LANCL3: variants seen among roughly 807,000 people sequenced by gnomAD.
LANCL3 encodes LanC like family member 3.
A neutral mutation model predicts 26.5 loss-of-function variants in LANCL3; 19 were observed. The observed-to-expected ratio is 0.72, with a 90% CI of 0.50 to 1.05. The LOEUF is 1.05. Ranked by LOEUF, LANCL3 falls within the 50% of genes least tolerant of loss-of-function variation. The pLI, the probability that LANCL3 is intolerant of heterozygous loss-of-function variation, is 0.00. For missense variants in LANCL3, 318 were observed against 362.7 expected (o/e 0.88, Z 1.00); for synonymous variants, 160 against 166.6 (o/e 0.96, Z 0.30).
chrX:37,617,203 C>T (rs1224553694), intron 1 of LANCL3, among the ~76,000 whole-genome samples: 1 of 110,661 alleles, frequency 9.0e-6, no homozygotes, highest in Non-Finnish European at 1.9e-5. Context: ...CTGGAGGGGC[C>T]GTTGGAGGAT....
intron 1 of LANCL3, among the ~76,000 whole-genome samples, chrX:37,582,703 A>T (rs782119729): frequency 1.8e-5 from 2 of 111,842 alleles, no homozygotes; most frequent in Admixed American, 1.9e-4. Flanking sequence ...GTTCTTGTAG[A>T]TTCTGGATAT....
chrX:37,662,249 A>T (rs1489410979), intron 3 of LANCL3, among the ~76,000 whole-genome samples: 1 of 112,380 alleles, frequency 8.9e-6, no homozygotes, highest in Non-Finnish European at 1.9e-5. Flanking sequence ...TAACCTTGAC[A>T]ATTCTGAAAT....
intron 1 of LANCL3, among the ~76,000 whole-genome samples, chrX:37,627,373 A>G (rs1925345899): frequency 9.0e-6 from 1 of 111,541 alleles, no homozygotes; most frequent in Non-Finnish European, 1.9e-5. Context: ...TGTAGAATAG[A>G]GGAGAATCTC....
chrX:37,638,284 G>A (rs1194937891), intron 1 of LANCL3, among the ~76,000 whole-genome samples: 4 of 111,419 alleles, frequency 3.6e-5, no homozygotes, highest in Non-Finnish European at 7.5e-5. Flanking sequence ...CAGATAGGGG[G>A]ACAGGCAAGG....
At chrX:37,620,981 G>A (rs782090284) in intron 1 of LANCL3, among the ~76,000 whole-genome samples, 1 of 111,311 alleles carries the variant, frequency 9.0e-6, no homozygotes, top group South Asian at 3.8e-4. Context: ...CTGAAGAGCT[G>A]GAGAAGTGGG....
At chrX:37,673,917 T>G (rs1926738612) in intron 4 of LANCL3, among the ~76,000 whole-genome samples, 1 of 111,967 alleles carries the variant, frequency 8.9e-6, no homozygotes, top group Non-Finnish European at 1.9e-5. Flanking sequence ...TCTTCTTTTA[T>G]TATATGTTTA....
intron 1 of LANCL3, among the ~76,000 whole-genome samples, chrX:37,574,896 T>C (rs1556416226): frequency 9.4e-6 from 1 of 106,913 alleles, no homozygotes; most frequent in Non-Finnish European, 1.9e-5. Context: ...TAGGTGTGTG[T>C]GTGTGTGTGT....
chrX:37,667,597 C>A, intron 4 of LANCL3, 108 bp downstream of exon 4: 1 of 582,497 alleles, frequency 1.7e-6, no homozygotes, highest in Non-Finnish European at 2.5e-6. Context: ...ATAAATACAT[C>A]AACTGTGCCT....
At position 37,630,081 on chromosome X, in the gene LANCL3, A is replaced by G. The variant is rs1199110234; in HGVS notation, c.574-25607A>G. On this transcript the variant is annotated intron_variant, in intron 1 of 4. Coordinates refer to ENST00000378619, the MANE Select transcript of LANCL3 (RefSeq NM_001170331.2). ...ACGATATTGATTCTTCCTGCCCATG[A>G]GCATGGAATATTCTTCCATTTCTTT... Among the ~76,000 whole-genome samples, 4 of 111,870 alleles carry G rather than the reference A, an allele frequency of 3.6e-5. No homozygotes were observed. The East Asian group carries it at 1.1e-3, about 31-fold the overall frequency.
intron 1 of LANCL3, among the ~76,000 whole-genome samples, chrX:37,572,842 T>C (rs1187034062): frequency 8.9e-6 from 1 of 111,939 alleles, no homozygotes; most frequent in African/African-American, 3.3e-5. Context: ...TAGAAAGTAA[T>C]GGAACTTTTC....
In LANCL3 at chrX:37,656,862, A is replaced by G. The variant is rs181560903; in HGVS notation, c.697+1051A>G. ...ACAACTTCAATGAGTTTTCTCAAAGAAATTTTATGTCTGTTTAAGTTTCCC... is the reference window on the plus strand; with the variant it reads ...ACAACTTCAATGAGTTTTCTCAAAGGAATTTTATGTCTGTTTAAGTTTCCC... On this transcript the variant is annotated intron_variant, in intron 2 of 4. Coordinates refer to ENST00000378619, the MANE Select transcript of LANCL3 (RefSeq NM_001170331.2). Among the ~76,000 whole-genome samples the G allele has an allele frequency of 4.1e-3, 461 of 113,100 alleles. 1 individual carries two copies. Among genetic ancestry groups the G allele is most frequent in the African/African-American group, 0.013 (415 of 31,169 alleles).
chrX:37,675,675 C>T lies in LANCL3; in HGVS notation c.1125C>T (p.Thr375=), dbSNP rs184811583. The change falls in exon 5 of 5, where the codon ACC becomes ACT. Residue 375 remains threonine, a synonymous_variant. Coordinates refer to ENST00000378619, the MANE Select transcript of LANCL3 (RefSeq NM_001170331.2). ...TTAGGTTTGCTCAATTCTTATTTACCGAGGAATTCAAGGCCGGTTCTCGGG... is the reference window on the plus strand; with the variant it reads ...TTAGGTTTGCTCAATTCTTATTTACTGAGGAATTCAAGGCCGGTTCTCGGG... The part of the protein sequence containing the change: ...RAQRFAQFLF[T]EEFKAGSRVL... 2.4e-5 allele frequency: 27 copies of T among 1,137,218 alleles called. No homozygotes were observed. The East Asian group carries it at 5.0e-4, about 21-fold the overall frequency. The allele number at this position is 1,137,218 out of a possible 1,213,427, so 93.7% of individuals were successfully genotyped here.
At chrX:37,605,166 C>T (rs1389355067) in intron 1 of LANCL3, among the ~76,000 whole-genome samples, 1 of 111,949 alleles carries the variant, frequency 8.9e-6, no homozygotes, top group Admixed American at 9.4e-5. Context: ...TATCCTTACG[C>T]CTCCGAAGGG....
intron 2 of LANCL3, 53 bp from the exon 3 acceptor site, chrX:37,659,409 A>C (rs1926361287): frequency 1.1e-6 from 1 of 943,701 alleles, no homozygotes; most frequent in Non-Finnish European, 1.5e-6. Flanking sequence ...TCACTAAATC[A>C]AACTAGCTGT....
chrX:37,614,019 GT>G (rs1468031675), intron 1 of LANCL3, among the ~76,000 whole-genome samples: 1 of 112,206 alleles, frequency 8.9e-6, no homozygotes, highest in East Asian at 2.8e-4. Flanking sequence ...AAAACCCCTA[GT>G]TGGACTAGTG....
At chrX:37,617,385 A>G (rs1243639346) in intron 1 of LANCL3, among the ~76,000 whole-genome samples, 1 of 110,882 alleles carries the variant, frequency 9.0e-6, no homozygotes, top group Non-Finnish European at 1.9e-5. Context: ...GTCTCCTTAG[A>G]CCTCTTGCTT....
chrX:37,631,663 G>A (rs1340864851), intron 1 of LANCL3, among the ~76,000 whole-genome samples: 4 of 111,120 alleles, frequency 3.6e-5, no homozygotes, highest in Non-Finnish European at 5.7e-5. Flanking sequence ...CTTTGTTCTC[G>A]TTGGTTTCAA....
chrX:37,656,330 C>G (rs1556430853), intron 2 of LANCL3, among the ~76,000 whole-genome samples: 1 of 110,912 alleles, frequency 9.0e-6, no homozygotes, highest in Non-Finnish European at 1.9e-5. Context: ...ATTTGCAAGG[C>G]CCTTTATGGA....
chrX:37,572,353 C>G lies in LANCL3; in HGVS notation c.483C>G (p.Ser161=). ...RALCAVCAPV[S]FLECGSDELF... ...TGTGTGCCGTCTGCGCGCCGGTCTC[C>G]TTCCTGGAGTGCGGCTCCGACGAGC... The change falls in exon 1 of 5, where the codon TCC becomes TCG. Residue 161 remains serine, a synonymous_variant. Transcript: ENST00000378619. The G allele has an allele frequency of 8.6e-7, 1 of 1,167,842 alleles. No individual in the cohort carries two copies. Among genetic ancestry groups the G allele is most frequent in the Non-Finnish European group, 1.1e-6 (1 of 873,447 alleles).
Sources: gnomAD v4.1 joint callset for allele counts (sites outside exome capture counted in the v4.1 genomes callset) on GRCh38, gnomAD v4.1.1 for gene constraint, MANE v1.5 for transcripts, NCBI Gene and HGNC (gene_info 2026-07-23, HGNC 2026-07-21) for gene names.